The following WNT5A variants were observed in gnomAD, a reference collection of about 807,000 sequenced individuals.
WNT5A encodes the protein Wnt family member 5A, also known as protein Wnt-5a.
A neutral mutation model predicts 42.1 loss-of-function variants in WNT5A; 9 were observed. That is an observed-to-expected ratio of 0.21 (90% CI 0.13 to 0.37). WNT5A has a LOEUF of 0.37. Ranked by LOEUF, WNT5A falls within the 10% of genes least tolerant of loss-of-function variation. WNT5A has a pLI of 1.00. For synonymous variants in WNT5A, 210 were observed against 210.0 expected, an observed-to-expected ratio of 1.00 and a Z score of 0.00; for missense variants, 426 against 534.0, an observed-to-expected ratio of 0.80 and a Z score of 1.99.
Position 55,465,786 on chromosome 3 carries a change from C to T in WNT5A, c.*4306G>A, listed in dbSNP as rs2051132689. On this transcript the variant is annotated 3_prime_UTR_variant, in exon 5 of 5. Coordinates refer to ENST00000264634, the MANE Select transcript of WNT5A (RefSeq NM_003392.7). The stretch of plus-strand genomic sequence containing the variant: ...AAAATAAATAATCTTTATCTCATTT[C>T]TAGCCCAGCAAATTGTACACTGCAT... The T allele has an allele frequency of 6.6e-6, 1 of 152,186 alleles. No individual in the cohort carries two copies. The highest frequency in any genetic ancestry group is 2.4e-5 in the African/African-American group (1 of 41,434). The allele number at this position is 152,186 out of a possible 1,614,324, so 9.4% of individuals were successfully genotyped here.
In WNT5A at chr3:55,478,809, G is replaced by A. The variant is rs772617118; in HGVS notation, c.391+505C>T. 1.3e-4 allele frequency among the ~76,000 whole-genome samples: 19 copies of A among 151,820 alleles called. 1 individual carries two copies. Among genetic ancestry groups the A allele is most frequent in the Middle Eastern group, 3.2e-3 (1 of 316 alleles). On this transcript the variant is annotated intron_variant, in intron 3 of 4. Coordinates refer to ENST00000264634, the MANE Select transcript of WNT5A (RefSeq NM_003392.7). ...TGGGACTAAAAATAAAGCTTTTAAC[G>A]TCTATATCTTTATAGCCTCAGGAAA... is the stretch of plus-strand genomic sequence containing the variant.
At chr3:55,473,292 T>A (rs1415590847) in intron 4 of WNT5A, among the ~76,000 whole-genome samples, 1 of 152,082 alleles carries the variant, frequency 6.6e-6, no homozygotes, top group African/African-American at 2.4e-5. Context: ...TTAACTTCCT[T>A]CTCCCTCACC....
At chr3:55,501,914 CTGT>C in the WNT5A span, 1 of 152,138 alleles carries the variant, frequency 6.6e-6, no homozygotes, top group South Asian at 2.1e-4. Context: ...ATAAATTACT[CTGT>C]TATCAATTTT....
Position 55,483,381 on chromosome 3 carries a change from A to T in WNT5A, c.7-2463T>A, listed in dbSNP as rs965851500. 1.3e-5 allele frequency among the ~76,000 whole-genome samples: 2 copies of T among 152,192 alleles called. No homozygotes were observed. The highest frequency in any genetic ancestry group is 6.5e-5 in the Admixed American group (1 of 15,290). On this transcript the variant is annotated intron_variant, in intron 1 of 4. Transcript: ENST00000264634. This position sits in a 1 kb window ranked among gnomAD's most constrained non-coding sequence, Gnocchi z 4.2. ...ACCGAGAAAAGGCCCCACAAGTTTG[A>T]GACACTCAAAGAACTCACAGCGAAC... is the stretch of plus-strand genomic sequence containing the variant.
intron 1 of WNT5A, among the ~76,000 whole-genome samples, chr3:55,485,729 C>A (rs982179335): frequency 6.6e-6 from 1 of 151,992 alleles, no homozygotes; most frequent in Non-Finnish European, 1.5e-5. Flanking sequence ...TTCCAAACAG[C>A]GAATTACCCA....
upstream of WNT5A, among the ~76,000 whole-genome samples, chr3:55,492,232 CG>C (rs989891416): frequency 2.1e-4 from 12 of 56,350 alleles, no homozygotes; most frequent in Non-Finnish European, 4.0e-4. Context: ...TGCTTTGTGG[CG>C]GGGGGGCACT....
chr3:55,479,513 T>C lies in WNT5A; in HGVS notation c.192A>G (p.Gly64=), dbSNP rs1193409914. Residue 64 remains glycine, a synonymous_variant, in exon 3 of 5, where the codon GGA becomes GGG. Transcript: ENST00000264634. ...CCAGTTGGCTGCAGAGAGGCTGTGC[T>C]CCTATAATATATACTTCTGACATCT... ...PVQMSEVYII[G]AQPLCSQLAG... 6.2e-7 allele frequency: 1 copy of C among 1,613,870 alleles called. No homozygotes were observed. The highest frequency in any genetic ancestry group is 1.3e-5 in the African/African-American group (1 of 75,044).
At chr3:55,493,629 C>T (rs1002994539), upstream of WNT5A, among the ~76,000 whole-genome samples, 4 of 152,212 alleles carry the variant, frequency 2.6e-5, no homozygotes. Flanking sequence ...ACACAGAGAA[C>T]GTGTTCTAAA....
the WNT5A span, among the ~76,000 whole-genome samples, chr3:55,504,746 A>T: frequency 1.3e-5 from 2 of 152,310 alleles, no homozygotes; most frequent in East Asian, 1.9e-4. Flanking sequence ...TTACAGGCGT[A>T]AGCCACTGTG....
chr3:55,497,868 A>T, the WNT5A span, among the ~76,000 whole-genome samples: 1 of 152,210 alleles, frequency 6.6e-6, no homozygotes, highest in East Asian at 1.9e-4. Flanking sequence ...GAAGAAAAGG[A>T]TGGAGAAGGG....
At chr3:55,490,406 C>T (rs547359957), upstream of WNT5A, 1 of 152,316 alleles carries the variant, frequency 6.6e-6, no homozygotes, top group South Asian at 2.1e-4. Context: ...TTAAGAGTGC[C>T]AGCTGTGGAA....
Position 55,479,628 on chromosome 3 carries a change from C to T in WNT5A, c.141-64G>A. 1.3e-6 allele frequency: 2 copies of T among 1,523,760 alleles called. 1 individual carries two copies. The highest frequency in any genetic ancestry group is 3.9e-5 in the Admixed American group (2 of 50,662). The allele number at this position is 1,523,760 out of a possible 1,614,324, so 94.4% of individuals were successfully genotyped here. A position where few individuals can be genotyped will look rare whatever the true frequency, so the allele number is the denominator to read the frequency against. Reference sequence around the variant, plus strand: ...AATCTCGAGGTGGGCCCCCTGAAAGCATGTCAGCAATACATAGTTTTAAGC... The same window carrying T: ...AATCTCGAGGTGGGCCCCCTGAAAGTATGTCAGCAATACATAGTTTTAAGC... On this transcript the variant is annotated intron_variant, in intron 2 of 4. Transcript: ENST00000264634.
chr3:55,494,778 C>T (rs1474759308), upstream of WNT5A, among the ~76,000 whole-genome samples: 1 of 152,142 alleles, frequency 6.6e-6, no homozygotes, highest in East Asian at 1.9e-4. Context: ...ACCTCATGAT[C>T]CACCCACCTT....
At chr3:55,499,321 A>G in the WNT5A span, among the ~76,000 whole-genome samples, 1 of 152,290 alleles carries the variant, frequency 6.6e-6, no homozygotes, top group East Asian at 1.9e-4. Context: ...GAGTAAAGCA[A>G]GCGGCTTGGG....
the WNT5A span, among the ~76,000 whole-genome samples, chr3:55,504,248 G>T: frequency 4.6e-5 from 7 of 151,996 alleles, no homozygotes; most frequent in East Asian, 1.4e-3. Context: ...CAGCCTGAGC[G>T]ACAGGGTGAG....
upstream of WNT5A, among the ~76,000 whole-genome samples, chr3:55,492,458 G>C (rs1212370161): frequency 6.6e-6 from 1 of 152,180 alleles, no homozygotes; most frequent in African/African-American, 2.4e-5. Flanking sequence ...CCTTGGTCCA[G>C]CTCTGCCTAT....
chr3:55,488,496 AG>A (rs5849100), upstream of WNT5A, among the ~76,000 whole-genome samples: 14,710 of 145,212 alleles, frequency 0.1, 1,271 homozygotes, highest in African/African-American at 0.22. Context: ...GAGAGAGGGA[AG>A]GGGGGGGAAG....
chr3:55,470,070 GC>G lies in WNT5A; in HGVS notation c.*21del, dbSNP rs1190496258. ...TAAATAAGCGGGTCCTGGGAGCGGG[GC>G]TGAGTGCTGGGTGGCACCCACTACT... On this transcript the variant is annotated 3_prime_UTR_variant, in exon 5 of 5. Coordinates refer to ENST00000264634, the MANE Select transcript of WNT5A (RefSeq NM_003392.7). The G allele has an allele frequency of 6.2e-7, 1 of 1,613,574 alleles. No homozygotes were observed. Among genetic ancestry groups the G allele is most frequent in the Admixed American group, 1.7e-5 (1 of 60,038 alleles).
the WNT5A span, among the ~76,000 whole-genome samples, chr3:55,500,987 A>G: frequency 6.6e-6 from 1 of 152,232 alleles, no homozygotes; most frequent in Admixed American, 6.5e-5. Context: ...GACTTTACAA[A>G]CATGACCCCA....
Sources: allele counts gnomAD v4.1 joint callset (sites outside exome capture counted in the v4.1 genomes callset), GRCh38; gene constraint gnomAD v4.1.1; non-coding constraint Gnocchi (gnomAD v3.1); transcripts MANE v1.5; gene names NCBI Gene and HGNC (gene_info 2026-07-23, HGNC 2026-07-21).